LAMP2: variants seen among roughly 807,000 people sequenced by gnomAD.
LAMP2 encodes lysosome associated membrane protein 2, also known as lysosome-associated membrane glycoprotein 2.
A neutral mutation model predicts 25.6 loss-of-function variants in LAMP2; 4 were observed. The observed-to-expected ratio is 0.16, with a 90% CI of 0.08 to 0.36. The LOEUF (loss-of-function observed/expected upper bound fraction) is 0.36. LAMP2 is among the 10% of genes least tolerant of loss of function. The probability of loss-of-function intolerance (pLI) is 1.00; values close to 1 mark genes in which losing one functional copy is unlikely to be tolerated. For missense variants in LAMP2, 272 were observed against 301.4 expected (o/e 0.90, Z 0.72); for synonymous variants, 108 against 112.7 (o/e 0.96, Z 0.27).
At chrX:120,442,261 C>T (rs1361448526) in intron 7 of LAMP2, among the ~76,000 whole-genome samples, 1 of 106,973 alleles carries the variant, frequency 9.3e-6, no homozygotes, top group Non-Finnish European at 1.9e-5. Flanking sequence ...AGGAACAGTC[C>T]TCAGGGTTTT....
Position 120,435,868 on chromosome X carries a change from T to C in LAMP2, c.1094-4406A>G, listed in dbSNP as rs146840553. Among the ~76,000 whole-genome samples the C allele has an allele frequency of 7.3e-3, 814 of 111,183 alleles. 6 individuals are homozygous for C. The highest frequency in any genetic ancestry group is 0.025 in the African/African-American group (754 of 30,569). The stretch of plus-strand genomic sequence containing the variant: ...AGTAAGGTGACTAGGTAACTATCCG[T>C]ATATGGAAACTGGAAGGCTCAAGTA... On this transcript the variant is annotated intron_variant, in intron 8 of 8. Transcript: ENST00000200639.
intron 8 of LAMP2, among the ~76,000 whole-genome samples, chrX:120,432,044 G>C (rs1215743977): frequency 1.8e-5 from 2 of 111,617 alleles, no homozygotes; most frequent in African/African-American, 6.5e-5. Context: ...ATTTCAAAAT[G>C]TGTTGTGGTA....
At chrX:120,464,611 C>G (rs1274081433) in intron 1 of LAMP2, among the ~76,000 whole-genome samples, 2 of 111,940 alleles carry the variant, frequency 1.8e-5, no homozygotes, top group Non-Finnish European at 3.8e-5. Context: ...CTGCCAACAC[C>G]CAGGTCTCTG....
Position 120,437,849 on chromosome X carries a change from GTTTGTTTTGT to G in LAMP2, c.1093+3871_1093+3880del, listed in dbSNP as rs375999498. 1,315 of 732,652 alleles carry G rather than the reference GTTTGTTTTGT, an allele frequency of 1.8e-3. 16 individuals are homozygous for G. In the African/African-American group the frequency reaches 0.029, roughly 16 times the overall value. 60.4% of individuals were successfully genotyped at this position (732,652 alleles called of 1,213,427 possible). ...GGTTAGATGCAAGTTTTGTTTGTTT[GTTTGTTTTGT>G]TTTGTTTTGTTTTGAGATGGAGTTT... On this transcript the variant is annotated intron_variant, in intron 8 of 8. Transcript: ENST00000200639.
intron 8 of LAMP2, among the ~76,000 whole-genome samples, chrX:120,434,432 G>A (rs1052722828): frequency 3.6e-5 from 4 of 111,700 alleles, no homozygotes; most frequent in African/African-American, 1.3e-4. Context: ...ACTATTGATT[G>A]TATGAATTCA....
chrX:120,437,041 C>T, intron 8 of LAMP2: 1 of 737,544 alleles, frequency 1.4e-6, no homozygotes, highest in Non-Finnish European at 1.6e-6. Context: ...AACAATTTTA[C>T]ACTAAAACAC....
intron 8 of LAMP2, among the ~76,000 whole-genome samples, chrX:120,432,236 T>C (rs960429003): frequency 9.1e-6 from 1 of 109,903 alleles, no homozygotes; most frequent in Admixed American, 9.8e-5. Context: ...CAGACAAAAA[T>C]ATGGAGAGTA....
intron 3 of LAMP2, among the ~76,000 whole-genome samples, chrX:120,450,199 T>C (rs932535881): frequency 8.9e-6 from 1 of 112,148 alleles, no homozygotes; most frequent in Non-Finnish European, 1.9e-5. Flanking sequence ...AGCCATTTCA[T>C]ATAGTTTTTA....
At chrX:120,442,536 T>C (rs1191773720) in intron 7 of LAMP2, 63 bp downstream of exon 7, 9 of 922,689 alleles carry the variant, frequency 9.8e-6, no homozygotes, top group Admixed American at 6.6e-5. Flanking sequence ...AATAAGACCA[T>C]TGTAATTTCT....
intron 8 of LAMP2, among the ~76,000 whole-genome samples, chrX:120,440,266 A>C (rs1428338487): frequency 9.0e-6 from 1 of 111,507 alleles, no homozygotes; most frequent in Non-Finnish European, 1.9e-5. Context: ...ACCTCTTACT[A>C]ATTTGAGCGT....
At chrX:120,434,601 GAA>G (rs1487864438) in intron 8 of LAMP2, among the ~76,000 whole-genome samples, 1 of 111,698 alleles carries the variant, frequency 9.0e-6, no homozygotes, top group East Asian at 2.8e-4. Flanking sequence ...TGCTTCTGGG[GAA>G]AAGAGAAGTG....
chrX:120,469,121 C>T lies in LAMP2; in HGVS notation c.49G>A (p.Val17Ile), dbSNP rs777718603. ...GACAACTCACCCAGGACTAGGCAGACCAGAACGAGCCCTGAGCCCGGAACC... is the reference window on the plus strand; with the variant it reads ...GACAACTCACCCAGGACTAGGCAGATCAGAACGAGCCCTGAGCCCGGAACC... ...FPVPGSGLVL[V>I]CLVLGAVRSY... The change falls in exon 1 of 9, where the codon GTC becomes ATC. Residue 17 changes from valine to isoleucine, a missense_variant. Physicochemically the swap from Val to Ile is conservative, Grantham distance 29. Coordinates refer to ENST00000200639, the MANE Select transcript of LAMP2 (RefSeq NM_002294.3). The T allele has an allele frequency of 3.3e-6, 4 of 1,212,083 alleles. No individual in the cohort carries two copies. The African/African-American group carries it at 5.2e-5, about 16-fold the overall frequency.
chrX:120,466,857 T>G (rs1921556797), intron 1 of LAMP2, among the ~76,000 whole-genome samples: 1 of 107,975 alleles, frequency 9.3e-6, no homozygotes, highest in Non-Finnish European at 1.9e-5. Flanking sequence ...TTTTTTTTTT[T>G]TTGAGACAGA....
At chrX:120,449,858 T>G (rs761737905) in intron 3 of LAMP2, among the ~76,000 whole-genome samples, 14 of 111,077 alleles carry the variant, frequency 1.3e-4, no homozygotes, top group South Asian at 7.6e-4. Flanking sequence ...GGGAAGCCAC[T>G]TAAGAGGGAA....
chrX:120,438,752 G>A (rs2058558254), intron 8 of LAMP2: 5 of 803,638 alleles, frequency 6.2e-6, no homozygotes, highest in Non-Finnish European at 7.4e-6. Flanking sequence ...AAAGGAGCAA[G>A]TACAAATCCA....
At chrX:120,453,827 A>G (rs1454100271) in intron 3 of LAMP2, among the ~76,000 whole-genome samples, 1 of 111,971 alleles carries the variant, frequency 8.9e-6, no homozygotes, top group Non-Finnish European at 1.9e-5. Context: ...AAATAAAATA[A>G]AATCTCTACA....
chrX:120,458,731 G>A (rs886918985), intron 1 of LAMP2, among the ~76,000 whole-genome samples: 9 of 111,846 alleles, frequency 8.0e-5, no homozygotes, highest in Non-Finnish European at 1.7e-4. Context: ...TAAATGAAGA[G>A]TGGGATCAGT....
rs1229376154 is a variant in LAMP2, at chrX:120,427,168, C to CA, written c.*4154dup. On this transcript the variant is annotated 3_prime_UTR_variant, in exon 9 of 9. Transcript: ENST00000200639. Reference sequence around the variant, plus strand: ...AGGTTCAGGCTTAATTTTTTTAATCCAAAAAAAATTTCTGAAGTGAAGGCA... The same window carrying CA: ...AGGTTCAGGCTTAATTTTTTTAATCCAAAAAAAAATTTCTGAAGTGAAGGCA... Among the ~76,000 whole-genome samples the CA allele has an allele frequency of 9.1e-6, 1 of 110,459 alleles. No individual in the cohort carries two copies. Among genetic ancestry groups the CA allele is most frequent in the Non-Finnish European group, 1.9e-5 (1 of 52,726 alleles).
chrX:120,447,787 A>T, intron 5 of LAMP2, 54 bp downstream of exon 5: 4 of 1,012,766 alleles, frequency 3.9e-6, no homozygotes, highest in Non-Finnish European at 5.6e-6. Context: ...TAGGATACGC[A>T]ATATTTGAAA....
Sources: gnomAD v4.1 joint callset for allele counts (sites outside exome capture counted in the v4.1 genomes callset) on GRCh38, gnomAD v4.1.1 for gene constraint, MANE v1.5 for transcripts, NCBI Gene and HGNC (gene_info 2026-07-23, HGNC 2026-07-21) for gene names.